The following C2orf72 variants were observed in gnomAD, a reference collection of about 807,000 sequenced individuals.
C2orf72 encodes chromosome 2 open reading frame 72.
Under a neutral mutation model 14.4 loss-of-function variants are expected in C2orf72, and 16 were observed. The ratio of observed to expected loss-of-function variants is 1.11; its 90% CI spans 0.75 to 1.69. The LOEUF (loss-of-function observed/expected upper bound fraction) is 1.69. Among genes scored for constraint, C2orf72 ranks in the 40% most tolerant of loss-of-function variants. C2orf72 has a pLI of 0.00. For synonymous variants in C2orf72, 168 were observed against 176.8 expected (o/e 0.95, Z 0.40); for missense variants, 371 against 358.3 (o/e 1.04, Z -0.29).
At chr2:231,040,592 A>G (rs1693328304) in intron 1 of C2orf72, among the ~76,000 whole-genome samples, 1 of 152,220 alleles carries the variant, frequency 6.6e-6, no homozygotes, top group Middle Eastern at 3.2e-3. Context: ...GATTCATGTC[A>G]CTAAGATTTC....
Position 231,037,991 on chromosome 2 carries a change from G to T in C2orf72, c.426G>T (p.Leu142=). 1 of 1,038,994 alleles carries T rather than the reference G, an allele frequency of 9.6e-7. No homozygotes were observed. The highest frequency in any genetic ancestry group is 8.7e-5 in the East Asian group (1 of 11,480). The allele number at this position is 1,038,994 out of a possible 1,614,324, so 64.4% of individuals were successfully genotyped here. The stretch of plus-strand genomic sequence containing the variant: ...GCCGGCGGCGGGCCGGGGCGGCGCT[G>T]GTCGGGGTGCTGGTGGCCGAGGCCG... ...VRGRRRAGAA[L]VGVLVAEAGP... is the part of the protein sequence containing the mutation. Residue 142 remains leucine (L), a synonymous_variant, in exon 1 of 3, where the codon CTG becomes CTT. Coordinates refer to ENST00000373640, the MANE Select transcript of C2orf72 (RefSeq NM_001144994.2).
At chr2:231,046,459 G>A (rs1265230556) in intron 2 of C2orf72, among the ~76,000 whole-genome samples, 4 of 152,118 alleles carry the variant, frequency 2.6e-5, no homozygotes, top group African/African-American at 9.7e-5. Context: ...TCAACTGCAA[G>A]TAAAGATACC....
intron 2 of C2orf72, among the ~76,000 whole-genome samples, chr2:231,045,360 A>T (rs1693402188): frequency 1.3e-5 from 2 of 152,116 alleles, no homozygotes; most frequent in South Asian, 4.1e-4. Context: ...TACTGTATAT[A>T]ATTGTATGTA....
Position 231,046,978 on chromosome 2 carries a change from G to A in C2orf72, c.845G>A (p.Gly282Glu). Reference protein sequence around the residue: ...DLGRGSKACDGVVHTPAEPTG... With the variant: ...DLGRGSKACDEVVHTPAEPTG... ...GGAAGGGGGTCAAAAGCCTGTGATG[G>A]AGTCGTACACACTCCTGCTGAGCCC... is the stretch of plus-strand genomic sequence containing the variant. The change falls in exon 3 of 3, where the codon GGA (glycine) becomes GAA (glutamate). Residue 282 changes from glycine to glutamate, a missense_variant. Gly to Glu is a moderately conservative substitution (Grantham distance 98). This residue lies in a region of C2orf72 where 145 missense variants were observed against 149.4 expected (regional missense o/e 0.97). Transcript: ENST00000373640. The A allele has an allele frequency of 6.4e-7, 1 of 1,551,676 alleles. No individual in the cohort carries two copies. Among genetic ancestry groups the A allele is most frequent in the Non-Finnish European group, 8.7e-7 (1 of 1,147,000 alleles).
intron 2 of C2orf72, among the ~76,000 whole-genome samples, chr2:231,046,335 TGTG>T (rs1418440007): frequency 1.6e-4 from 24 of 149,544 alleles, no homozygotes; most frequent in Middle Eastern, 3.4e-3. Flanking sequence ...TGTGTGTGTG[TGTG>T]TTTAGGTCTG....
At chr2:231,044,945 T>TATATATATATATATATA (rs1693392248) in intron 2 of C2orf72, among the ~76,000 whole-genome samples, 1 of 141,668 alleles carries the variant, frequency 7.1e-6, no homozygotes, top group South Asian at 2.2e-4. Context: ...ATATATATCT[T>TATATATATATATATATA]TATATATATA....
At position 231,044,997 on chromosome 2, in the gene C2orf72, C is replaced by T. The variant is rs202192102; in HGVS notation, c.749-1885C>T. Among the ~76,000 whole-genome samples the T allele has an allele frequency of 1.9e-4, 28 of 146,632 alleles. No individual in the cohort carries two copies. The East Asian group carries it at 5.5e-3, about 29-fold the overall frequency. On this transcript the variant is annotated intron_variant, in intron 2 of 2. Transcript: ENST00000373640. ...CACACATATAAGTAGAGGGAGTACA[C>T]TCTAAAATAATGTTAAAACATATAG...
intron 1 of C2orf72, 104 bp downstream of exon 1, chr2:231,038,303 C>A: frequency 1.1e-6 from 1 of 943,068 alleles, no homozygotes; most frequent in Non-Finnish European, 1.3e-6. Flanking sequence ...CCGAGGTAAA[C>A]TGAGGCTCAG....
At chr2:231,046,228 G>A (rs1693413702) in intron 2 of C2orf72, among the ~76,000 whole-genome samples, 1 of 151,706 alleles carries the variant, frequency 6.6e-6, no homozygotes, top group South Asian at 2.1e-4. Context: ...TAGCACAAAC[G>A]GGATATTGAC....
Position 231,047,143 on chromosome 2 carries a change from T to C in C2orf72, c.*122T>C, listed in dbSNP as rs1559210529. 5 of 1,208,652 alleles carry C rather than the reference T, an allele frequency of 4.1e-6. No homozygotes were observed. In the African/African-American group the frequency reaches 4.5e-5, roughly 11 times the overall value. 74.9% of individuals were successfully genotyped at this position (1,208,652 alleles called of 1,614,324 possible). On this transcript the variant is annotated 3_prime_UTR_variant, in exon 3 of 3. Transcript: ENST00000373640. ...CCCGCCTGCTGGAGGCCTGCCACAC[T>C]CACAGTTACCAGCTAGACAGTGGGG...
At chr2:231,044,282 T>C (rs1238162755) in intron 2 of C2orf72, among the ~76,000 whole-genome samples, 1 of 152,236 alleles carries the variant, frequency 6.6e-6, no homozygotes, top group East Asian at 1.9e-4. Context: ...TACATTTATT[T>C]TAAAATATTT....
At chr2:231,040,294 G>A (rs1693324000) in intron 1 of C2orf72, among the ~76,000 whole-genome samples, 1 of 152,108 alleles carries the variant, frequency 6.6e-6, no homozygotes, top group South Asian at 2.1e-4. Context: ...TTCCCTTGTG[G>A]GTTTAAACAC....
intron 2 of C2orf72, among the ~76,000 whole-genome samples, chr2:231,044,945 T>TTATA (rs58611878): frequency 0.028 from 3,928 of 141,628 alleles, 92 homozygotes; most frequent in African/African-American, 0.03. Flanking sequence ...ATATATATCT[T>TTATA]TATATATATA....
At chr2:231,041,936 G>C (rs1200881435) in intron 2 of C2orf72, among the ~76,000 whole-genome samples, 2 of 152,120 alleles carry the variant, frequency 1.3e-5, no homozygotes, top group East Asian at 3.8e-4. Flanking sequence ...GAAGAGTTTG[G>C]ACCAAATCAG....
intron 1 of C2orf72, among the ~76,000 whole-genome samples, chr2:231,040,943 G>A (rs1351150584): frequency 6.6e-6 from 1 of 152,174 alleles, no homozygotes; most frequent in South Asian, 2.1e-4. Flanking sequence ...CCAAGAAATA[G>A]TTTGAACTAA....
chr2:231,038,460 G>C (rs915411777), intron 1 of C2orf72, among the ~76,000 whole-genome samples: 1 of 148,498 alleles, frequency 6.7e-6, no homozygotes, highest in Admixed American at 6.7e-5. Flanking sequence ...AAGGCAGAGG[G>C]AGTGGGTAGA....
chr2:231,040,417 G>A (rs750921598), intron 1 of C2orf72, among the ~76,000 whole-genome samples: 46 of 152,306 alleles, frequency 3.0e-4, no homozygotes, highest in Middle Eastern at 3.4e-3. Context: ...CTTTGCAAGG[G>A]AATTGTTCTC....
At chr2:231,046,789 A>G in intron 2 of C2orf72, 93 bp from the exon 3 acceptor site, 2 of 1,321,316 alleles carry the variant, frequency 1.5e-6, no homozygotes, top group Non-Finnish European at 2.0e-6. Flanking sequence ...TTAAGTAGGT[A>G]TTTGCTGGGG....
At chr2:231,041,898 G>A (rs1163377939) in intron 2 of C2orf72, among the ~76,000 whole-genome samples, 1 of 152,102 alleles carries the variant, frequency 6.6e-6, no homozygotes, top group African/African-American at 2.4e-5. Flanking sequence ...AGGTGCAGAA[G>A]GAAACCAGTG....
Sources: gnomAD v4.1 joint callset for allele counts (sites outside exome capture counted in the v4.1 genomes callset) on GRCh38, gnomAD v4.1.1 for gene constraint, gnomAD v4.1.1 regional missense constraint, MANE v1.5 for transcripts, NCBI Gene and HGNC (gene_info 2026-07-23, HGNC 2026-07-21) for gene names.